SMCHD1: variants seen among roughly 807,000 people sequenced by gnomAD.
SMCHD1 encodes structural maintenance of chromosomes flexible hinge domain containing 1, also known as structural maintenance of chromosomes flexible hinge domain-containing protein 1.
SMCHD1 carries 78 observed loss-of-function variants against 254.7 expected under a neutral mutation model. The observed-to-expected ratio is 0.31, with a 90% CI of 0.26 to 0.37. The LOEUF (loss-of-function observed/expected upper bound fraction) is 0.37. Among genes scored for constraint, SMCHD1 ranks in the 10% least tolerant of loss-of-function variants. The pLI, the probability that SMCHD1 is intolerant of heterozygous loss-of-function variation, is 1.00. For missense variants in SMCHD1, 1,840 were observed against 2,408.1 expected, an observed-to-expected ratio of 0.76 and a Z score of 4.94; for synonymous variants, 766 against 794.9, an observed-to-expected ratio of 0.96 and a Z score of 0.61.
At chr18:2,674,408 C>T (rs2143847463) in intron 5 of SMCHD1, among the ~76,000 whole-genome samples, 1 of 152,252 alleles carries the variant, frequency 6.6e-6, no homozygotes, top group East Asian at 1.9e-4. Context: ...AGCTTTTCCC[C>T]TTTCCTAACT....
chr18:2,674,299 A>T (rs573882229), intron 5 of SMCHD1, among the ~76,000 whole-genome samples, 154 bp downstream of exon 5: 1 of 152,118 alleles, frequency 6.6e-6, no homozygotes, highest in Non-Finnish European at 1.5e-5. Context: ...TTTATGATTG[A>T]TACTCAGAAA....
intron 17 of SMCHD1, among the ~76,000 whole-genome samples, chr18:2,711,017 C>G (rs1002652639): frequency 4.6e-5 from 7 of 152,152 alleles, no homozygotes; most frequent in African/African-American, 1.4e-4. Flanking sequence ...CACTCTGTCA[C>G]CCAGGCTGGA....
intron 24 of SMCHD1, among the ~76,000 whole-genome samples, chr18:2,730,525 C>T (rs966744156): frequency 6.6e-6 from 1 of 152,148 alleles, no homozygotes; most frequent in Non-Finnish European, 1.5e-5. Flanking sequence ...GGTGATTCAT[C>T]GTGGCTGATA....
chr18:2,657,661 C>T (rs2143742538), intron 1 of SMCHD1, among the ~76,000 whole-genome samples: 1 of 152,222 alleles, frequency 6.6e-6, no homozygotes, highest in South Asian at 2.1e-4. Context: ...TTTTAAATTA[C>T]TAAAATATGT....
At chr18:2,746,385 A>G (rs934983989) in intron 29 of SMCHD1, among the ~76,000 whole-genome samples, 1 of 152,224 alleles carries the variant, frequency 6.6e-6, no homozygotes, top group Non-Finnish European at 1.5e-5. Context: ...GAGTCCTTTA[A>G]AAACTTAGAC....
chr18:2,705,781 A>G lies in SMCHD1; in HGVS notation c.1930A>G (p.Thr644Ala), dbSNP rs1201929244. ...YGDHDGEVYATGGEVQIAMEP... is the reference protein window; with the variant it reads ...YGDHDGEVYAAGGEVQIAMEP... The stretch of plus-strand genomic sequence containing the variant: ...CGATCATGATGGAGAAGTATATGCT[A>G]CAGGAGGAGAGGTTCAAATTGCAAT... The change falls in exon 14 of 48, where the codon ACA becomes GCA. Residue 644 changes from threonine to alanine, a missense_variant. Physicochemically the swap from Thr to Ala is moderately conservative, Grantham distance 58. Transcript: ENST00000320876. 1.2e-6 allele frequency: 2 copies of G among 1,603,494 alleles called. No homozygotes were observed. The highest frequency in any genetic ancestry group is 1.7e-6 in the Non-Finnish European group (2 of 1,173,118).
At chr18:2,750,544 T>C (rs2075551924) in intron 32 of SMCHD1, 37 bp downstream of exon 32, 1 of 1,521,040 alleles carries the variant, frequency 6.6e-7, no homozygotes, top group African/African-American at 1.4e-5. Context: ...TCTATAATGA[T>C]AATTTGCTTT....
chr18:2,656,065 T>G lies in SMCHD1; in HGVS notation c.-11T>G. On this transcript the variant is annotated 5_prime_UTR_variant, in exon 1 of 48. Transcript: ENST00000320876. Reference sequence around the variant, plus strand: ...CGGCAGGCGTCGCTGTCTTTTCTCCTTTTCCCCAATATGGCAGCGGCGGAC... The same window carrying G: ...CGGCAGGCGTCGCTGTCTTTTCTCCGTTTCCCCAATATGGCAGCGGCGGAC... 2 of 1,377,030 alleles carry G rather than the reference T, an allele frequency of 1.5e-6. No homozygotes were observed. Among genetic ancestry groups the G allele is most frequent in the Non-Finnish European group, 1.9e-6 (2 of 1,060,956 alleles). 85.3% of individuals were successfully genotyped at this position (1,377,030 alleles called of 1,614,324 possible).
chr18:2,770,922 T>A (rs1200410056), intron 39 of SMCHD1, among the ~76,000 whole-genome samples: 1 of 152,184 alleles, frequency 6.6e-6, no homozygotes, highest in African/African-American at 2.4e-5. Context: ...ACACCCAGCC[T>A]ACGTTTGCTG....
chr18:2,788,707 C>G (rs1039280575), intron 45 of SMCHD1, among the ~76,000 whole-genome samples: 2 of 151,902 alleles, frequency 1.3e-5, no homozygotes, highest in African/African-American at 2.4e-5. Context: ...TCAAGTGATT[C>G]TTGTGCTTCA....
chr18:2,774,010 T>C (rs1328855405), intron 41 of SMCHD1, among the ~76,000 whole-genome samples: 1 of 152,222 alleles, frequency 6.6e-6, no homozygotes, highest in Non-Finnish European at 1.5e-5. Flanking sequence ...AAAATGTATT[T>C]ATTTTTAACA....
chr18:2,662,422 G>A (rs2073309064), intron 1 of SMCHD1, among the ~76,000 whole-genome samples: 1 of 151,688 alleles, frequency 6.6e-6, no homozygotes, highest in Non-Finnish European at 1.5e-5. Flanking sequence ...AAGGCAGGGA[G>A]ATCATCTGAG....
intron 5 of SMCHD1, among the ~76,000 whole-genome samples, chr18:2,681,371 C>T (rs920888065): frequency 2.0e-5 from 3 of 147,694 alleles, no homozygotes; most frequent in Non-Finnish European, 3.0e-5. Flanking sequence ...CGAGATTGCG[C>T]CGCTGTACTC....
chr18:2,721,636 G>T (rs777809556), intron 19 of SMCHD1, among the ~76,000 whole-genome samples: 1 of 152,084 alleles, frequency 6.6e-6, no homozygotes, highest in Admixed American at 6.5e-5. Context: ...ATCCCAAAAG[G>T]CTATGCCATG....
Position 2,763,718 on chromosome 18 carries a change from G to A in SMCHD1, c.4648G>A (p.Asp1550Asn), listed in dbSNP as rs752489947. 6.2e-7 allele frequency: 1 copy of A among 1,609,706 alleles called. No homozygotes were observed. The highest frequency in any genetic ancestry group is 8.5e-7 in the Non-Finnish European group (1 of 1,177,866). Residue 1550 changes from aspartate (D) to asparagine (N), a missense_variant, in exon 37 of 48, where the codon GAT becomes AAT. Physicochemically the swap from Asp to Asn is conservative, Grantham distance 23. This residue lies in a region of SMCHD1 where 881 missense variants were observed against 1,009.5 expected (regional missense o/e 0.87). Coordinates refer to ENST00000320876, the MANE Select transcript of SMCHD1 (RefSeq NM_015295.3). Reference sequence around the variant, plus strand: ...TAAAGGCTCTAATGAGGAAGATACTGATACCCCACTTTTTATTGGGAAAGT... The same window carrying A: ...TAAAGGCTCTAATGAGGAAGATACTAATACCCCACTTTTTATTGGGAAAGT... ...TIKGSNEEDT[D>N]TPLFIGKVRT...
In SMCHD1 at chr18:2,803,768, T is replaced by C. The variant is rs1031176684; in HGVS notation, c.*1216T>C. On this transcript the variant is annotated 3_prime_UTR_variant, in exon 48 of 48. Coordinates refer to ENST00000320876, the MANE Select transcript of SMCHD1 (RefSeq NM_015295.3). ...ACAAAATGGTAATTACAGAATTAGC[T>C]GTGGGGAAGATTGGCTCCCATGGTA... 6.6e-6 allele frequency: 1 copy of C among 152,216 alleles called. No homozygotes were observed. The highest frequency in any genetic ancestry group is 1.5e-5 in the Non-Finnish European group (1 of 68,026). 9.4% of individuals were successfully genotyped at this position (152,216 alleles called of 1,614,324 possible). A position where few individuals can be genotyped will look rare whatever the true frequency, so the allele number is the denominator to read the frequency against.
chr18:2,717,607 G>A (rs746186725), intron 17 of SMCHD1, among the ~76,000 whole-genome samples: 4 of 152,172 alleles, frequency 2.6e-5, no homozygotes, highest in Non-Finnish European at 5.9e-5. Flanking sequence ...GAGCCACCAC[G>A]CTGGGCCTGT....
At position 2,704,418 on chromosome 18, in the gene SMCHD1, T is replaced by A. The variant is rs143562361; in HGVS notation, c.1842+532T>A. Among the ~76,000 whole-genome samples the A allele has an allele frequency of 6.2e-3, 951 of 152,266 alleles. 9 individuals are homozygous for A. The highest frequency in any genetic ancestry group is 0.019 in the South Asian group (90 of 4,820). On this transcript the variant is annotated intron_variant, in intron 13 of 47. Coordinates refer to ENST00000320876, the MANE Select transcript of SMCHD1 (RefSeq NM_015295.3). Reference sequence around the variant, plus strand: ...GTTGAGCATCTGCTGACATAGTAAGTTACTGCACCTTTTGACTGTGTGGTG... The same window carrying A: ...GTTGAGCATCTGCTGACATAGTAAGATACTGCACCTTTTGACTGTGTGGTG...
rs755578313 is a variant in SMCHD1 at position 2,796,422 on chromosome 18, G to C, written c.5894G>C (p.Arg1965Pro). The stretch of plus-strand genomic sequence containing the variant: ...ATCTTCACAGGTATGACTCCCATAC[G>C]TAAGTGTAATGACTCATTGCGTCAT... ...IEEKLGMTPIRKCNDSLRHSP... is the reference protein window; with the variant it reads ...IEEKLGMTPIPKCNDSLRHSP... The change falls in exon 47 of 48, where the codon CGT becomes CCT. Residue 1965 changes from arginine (R) to proline (P), a missense_variant. Arg to Pro is a moderately radical substitution (Grantham distance 103). Around this residue, in one of 9 missense-constraint regions of SMCHD1, gnomAD observed 132 missense variants for 138.2 expected, o/e 0.95. Transcript: ENST00000320876. 18 of 1,592,534 alleles carry C rather than the reference G, an allele frequency of 1.1e-5. No individual in the cohort carries two copies. The highest frequency in any genetic ancestry group is 1.5e-5 in the Non-Finnish European group (18 of 1,169,002).
Sources: gnomAD v4.1 joint callset for allele counts (sites outside exome capture counted in the v4.1 genomes callset) on GRCh38, gnomAD v4.1.1 for gene constraint, gnomAD v4.1.1 regional missense constraint, MANE v1.5 for transcripts, NCBI Gene and HGNC (gene_info 2026-07-23, HGNC 2026-07-21) for gene names.